Variants in CAMK4 observed in about 807,000 individuals in gnomAD.
CAMK4 encodes the protein calcium/calmodulin-dependent protein kinase type IV.
Under a neutral mutation model 44.9 loss-of-function variants are expected in CAMK4, and 22 were observed. The ratio of observed to expected loss-of-function variants is 0.49; its 90% CI spans 0.35 to 0.70. The LOEUF (loss-of-function observed/expected upper bound fraction) is 0.70, where lower values mean the gene tolerates loss of function less well. CAMK4 is among the 30% of genes least tolerant of loss of function. The pLI, the probability that CAMK4 is intolerant of heterozygous loss-of-function variation, is 0.01. For synonymous variants in CAMK4, 218 were observed against 215.4 expected (o/e 1.01, Z -0.11); for missense variants, 498 against 586.8 (o/e 0.85, Z 1.56).
chr5:111,396,831 G>C (rs1346310982), intron 5 of CAMK4, among the ~76,000 whole-genome samples: 4 of 151,316 alleles, frequency 2.6e-5, no homozygotes. Flanking sequence ...AGTAGAGATG[G>C]GGTTTTACCA....
intron 1 of CAMK4, among the ~76,000 whole-genome samples, chr5:111,341,785 A>G (rs1749655413): frequency 2.0e-5 from 3 of 151,288 alleles, no homozygotes; most frequent in African/African-American, 7.3e-5. Flanking sequence ...AGATAGGAAC[A>G]CTGAGGGCAC....
At chr5:111,247,715 C>T (rs1561360318) in intron 1 of CAMK4, among the ~76,000 whole-genome samples, 2 of 151,906 alleles carry the variant, frequency 1.3e-5, no homozygotes, top group South Asian at 4.1e-4. Flanking sequence ...GATGAGGCCA[C>T]CCCAGATAAT....
chr5:111,337,565 A>T (rs1749459508), intron 1 of CAMK4, among the ~76,000 whole-genome samples: 1 of 150,832 alleles, frequency 6.6e-6, no homozygotes, highest in Admixed American at 6.6e-5. Context: ...AAAAATATAA[A>T]GACACATCTC....
At chr5:111,243,701 AG>A (rs1358147155) in intron 1 of CAMK4, among the ~76,000 whole-genome samples, 2 of 152,284 alleles carry the variant, frequency 1.3e-5, no homozygotes, top group East Asian at 3.9e-4. Context: ...TGAGAGGATG[AG>A]GAAGGATTCA....
intron 2 of CAMK4, among the ~76,000 whole-genome samples, chr5:111,351,063 T>G (rs1433288276): frequency 6.6e-6 from 1 of 152,144 alleles, no homozygotes; most frequent in Non-Finnish European, 1.5e-5. Flanking sequence ...AAACTGAGGA[T>G]TACTTGAAGT....
Position 111,344,027 on chromosome 5 carries a change from T to TGCTA in CAMK4, c.166_169dup (p.Thr57SerfsTer34). On this transcript the variant is annotated frameshift_variant, in exon 2 of 11. Coordinates refer to ENST00000282356, the MANE Select transcript of CAMK4 (RefSeq NM_001744.6). LOFTEE classifies it high-confidence loss of function. ...TTTTGTCTTTTTCCCCCTCAAGGGG[T>TGCTA]GCTACATCCATTGTGTACAGATGCA... 6.3e-7 allele frequency: 1 copy of TGCTA among 1,591,772 alleles called. No homozygotes were observed. Among genetic ancestry groups the TGCTA allele is most frequent in the Non-Finnish European group, 8.6e-7 (1 of 1,161,958 alleles).
intron 1 of CAMK4, among the ~76,000 whole-genome samples, chr5:111,250,921 A>G (rs754951570): frequency 5.3e-5 from 8 of 152,110 alleles, no homozygotes; most frequent in Non-Finnish European, 1.2e-4. Context: ...CTCCCAAAGC[A>G]TTGGGATTAC....
intron 8 of CAMK4, among the ~76,000 whole-genome samples, chr5:111,475,499 T>C (rs1408802062): frequency 6.6e-6 from 1 of 152,244 alleles, no homozygotes; most frequent in East Asian, 1.9e-4. Flanking sequence ...TATTTTATTG[T>C]AACCCTGAAG....
At chr5:111,408,622 A>C (rs532504913) in intron 5 of CAMK4, among the ~76,000 whole-genome samples, 9 of 152,300 alleles carry the variant, frequency 5.9e-5, no homozygotes, top group Middle Eastern at 3.4e-3. Flanking sequence ...ATGCCTTCCC[A>C]AAAATTCCCA....
chr5:111,383,622 A>ATTTTTTTTTT (rs10671641), intron 4 of CAMK4, among the ~76,000 whole-genome samples: 2 of 141,970 alleles, frequency 1.4e-5, no homozygotes, highest in Non-Finnish European at 3.1e-5. Context: ...AGGGGAGATA[A>ATTTTTTTTTT]TTTTTTTTTT....
intron 1 of CAMK4, among the ~76,000 whole-genome samples, chr5:111,244,632 G>A (rs558818204): frequency 7.1e-4 from 108 of 152,318 alleles, no homozygotes; most frequent in African/African-American, 2.5e-3. Flanking sequence ...GGAGGCTGAG[G>A]CAGGCGGATG....
intron 1 of CAMK4, among the ~76,000 whole-genome samples, chr5:111,343,370 A>G (rs974335094): frequency 6.6e-6 from 1 of 151,674 alleles, no homozygotes; most frequent in African/African-American, 2.4e-5. Context: ...TGTTTGGTCT[A>G]TATTTCTCTT....
chr5:111,317,995 C>A (rs1449306473), intron 1 of CAMK4, among the ~76,000 whole-genome samples: 1 of 138,414 alleles, frequency 7.2e-6, no homozygotes. Context: ...AAAAGAAAAG[C>A]AGATTTGTAC....
At chr5:111,299,832 A>T (rs1240963209) in intron 1 of CAMK4, among the ~76,000 whole-genome samples, 1 of 152,076 alleles carries the variant, frequency 6.6e-6, no homozygotes, top group Non-Finnish European at 1.5e-5. Context: ...TGTTTTTTTT[A>T]AAGGTTTCTA....
chr5:111,394,029 AAG>A (rs141027579), intron 4 of CAMK4, among the ~76,000 whole-genome samples: 192 of 149,182 alleles, frequency 1.3e-3, no homozygotes, highest in Non-Finnish European at 9.9e-4. Flanking sequence ...TGGCGGGGGG[AAG>A]AGAGAGAGAG....
chr5:111,261,249 TG>T (rs1012215043), intron 1 of CAMK4, among the ~76,000 whole-genome samples: 12 of 152,212 alleles, frequency 7.9e-5, no homozygotes, highest in African/African-American at 2.7e-4. Context: ...TCCACAATAT[TG>T]GACCCCATTA....
At chr5:111,332,314 G>A (rs541196604) in intron 1 of CAMK4, among the ~76,000 whole-genome samples, 60 of 140,218 alleles carry the variant, frequency 4.3e-4, no homozygotes, top group Admixed American at 1.0e-3. Context: ...CTATCTATGC[G>A]TGAGAACATG....
intron 9 of CAMK4, among the ~76,000 whole-genome samples, chr5:111,479,145 C>T (rs1755345674): frequency 6.6e-6 from 1 of 152,302 alleles, no homozygotes. Flanking sequence ...TCCCAAAGTG[C>T]TGGGATTACA....
At position 111,293,572 on chromosome 5, in the gene CAMK4, AC is replaced by A. The variant is rs561798335; in HGVS notation, c.162-50449del. 1.7e-3 allele frequency among the ~76,000 whole-genome samples: 260 copies of A among 150,016 alleles called. 2 individuals are homozygous for A. The highest frequency in any genetic ancestry group is 5.9e-3 in the African/African-American group (242 of 40,808). On this transcript the variant is annotated intron_variant, in intron 1 of 10. Transcript: ENST00000282356. ...CTCCGGAGTAGCTGGGATTACAAGC[AC>A]CCGCCACCACGTCCAGCTAATTTTT...
Sources: allele counts gnomAD v4.1 joint callset (sites outside exome capture counted in the v4.1 genomes callset), GRCh38; gene constraint gnomAD v4.1.1; transcripts MANE v1.5; gene names NCBI Gene and HGNC (gene_info 2026-07-23, HGNC 2026-07-21).